Variants in H3C1 observed in about 807,000 individuals in gnomAD.
H3C1 encodes histone H3.1.
In H3C1, 14 loss-of-function variants were observed where a neutral mutation model predicts 7.3. That is an observed-to-expected ratio of 1.90 (90% CI 1.26 to 2.98). The LOEUF (loss-of-function observed/expected upper bound fraction) is 2.98. Among genes scored for constraint, H3C1 ranks in the 30% most tolerant of loss-of-function variants. The pLI, the probability that H3C1 is intolerant of heterozygous loss-of-function variation, is 0.00. For synonymous variants in H3C1, 181 were observed against 76.0 expected (o/e 2.38, Z -7.18); for missense variants, 326 against 192.2 (o/e 1.70, Z -4.12).
Position 26,020,692 on chromosome 6 carries a change from T to G in H3C1, c.203T>G (p.Phe68Cys). 1 of 1,614,228 alleles carries G rather than the reference T, an allele frequency of 6.2e-7. No individual in the cohort carries two copies. The highest frequency in any genetic ancestry group is 8.5e-7 in the Non-Finnish European group (1 of 1,180,040). Residue 68 changes from phenylalanine (F) to cysteine (C), a missense_variant, in exon 1 of 1, where the codon TTC becomes TGC. Phe to Cys is a radical substitution (Grantham distance 205). Coordinates refer to ENST00000613854, the MANE Select transcript of H3C1 (RefSeq NM_003529.3). Reference sequence around the variant, plus strand: ...GAACTGCTTATTCGTAAACTACCTTTCCAGCGCCTGGTGCGCGAGATTGCG... The same window carrying G: ...GAACTGCTTATTCGTAAACTACCTTGCCAGCGCCTGGTGCGCGAGATTGCG... ...STELLIRKLP[F>C]QRLVREIAQD...
In H3C1 at chr6:26,020,602, A is replaced by G; in HGVS notation, c.113A>G (p.Lys38Arg). 6.2e-7 allele frequency: 1 copy of G among 1,614,182 alleles called. No individual in the cohort carries two copies. ...KSAPATGGVKKPHRYRPGTVA... is the reference protein window; with the variant it reads ...KSAPATGGVKRPHRYRPGTVA... Reference sequence around the variant, plus strand: ...GCTCCGGCCACCGGCGGCGTGAAAAAGCCCCACCGCTACCGGCCGGGCACC... The same window carrying G: ...GCTCCGGCCACCGGCGGCGTGAAAAGGCCCCACCGCTACCGGCCGGGCACC... The change falls in exon 1 of 1, where the codon AAG becomes AGG. Residue 38 changes from lysine to arginine, a missense_variant. Physicochemically the swap from Lys to Arg is conservative, Grantham distance 26. Coordinates refer to ENST00000613854, the MANE Select transcript of H3C1 (RefSeq NM_003529.3).
In H3C1 at chr6:26,020,457, G is replaced by C. The variant is rs138978623; in HGVS notation, c.-33G>C. The C allele has an allele frequency of 4.2e-5, 67 of 1,611,476 alleles. No homozygotes were observed. The highest frequency in any genetic ancestry group is 6.7e-5 in the Admixed American group (4 of 59,336). On this transcript the variant is annotated 5_prime_UTR_variant, in exon 1 of 1. Transcript: ENST00000613854. ...GCAGCTCATGGGCGTATTTGCGCTA[G>C]TGTTGGGTGTTCCGCTGTGCTGTTT...
In H3C1 at chr6:26,020,902, TACTGTGGTCTCTCTGACGGTCCAAGC is replaced by T. The variant is rs1561914608; in HGVS notation, c.*4_*29del. On this transcript the variant is annotated 3_prime_UTR_variant, in exon 1 of 1. Coordinates refer to ENST00000613854, the MANE Select transcript of H3C1 (RefSeq NM_003529.3). ...CGCATCCGCGGAGAGAGGGCGTGAT[TACTGTGGTCTCTCTGACGGTCCAAGC>T]AAAGGCTCTTTTCAGAGCCACCACC... 2 of 1,614,178 alleles carry T rather than the reference TACTGTGGTCTCTCTGACGGTCCAAGC, an allele frequency of 1.2e-6. No individual in the cohort carries two copies. Among genetic ancestry groups the T allele is most frequent in the Non-Finnish European group, 8.5e-7 (1 of 1,180,032 alleles).
In H3C1 at chr6:26,020,694, C is replaced by G. The variant is rs181930473; in HGVS notation, c.205C>G (p.Gln69Glu). The change falls in exon 1 of 1, where the codon CAG becomes GAG. Residue 69 changes from glutamine to glutamate, a missense_variant. Transcript: ENST00000613854. ...TELLIRKLPF[Q>E]RLVREIAQDF... is the part of the protein sequence containing the mutation. Reference sequence around the variant, plus strand: ...ACTGCTTATTCGTAAACTACCTTTCCAGCGCCTGGTGCGCGAGATTGCGCA... The same window carrying G: ...ACTGCTTATTCGTAAACTACCTTTCGAGCGCCTGGTGCGCGAGATTGCGCA... The G allele has an allele frequency of 6.2e-7, 1 of 1,614,248 alleles. No individual in the cohort carries two copies. Among genetic ancestry groups the G allele is most frequent in the Non-Finnish European group, 8.5e-7 (1 of 1,180,048 alleles).
rs1561914287 is a variant in H3C1 at position 26,020,613 on chromosome 6, TACCGGCCGGGC to T, written c.129_139del (p.Pro44GlyfsTer13). The stretch of plus-strand genomic sequence containing the variant: ...CGGCGGCGTGAAAAAGCCCCACCGC[TACCGGCCGGGC>T]ACCGTGGCTCTGCGCGAGATCCGCC... On this transcript the variant is annotated frameshift_variant, in exon 1 of 1. Coordinates refer to ENST00000613854, the MANE Select transcript of H3C1 (RefSeq NM_003529.3). LOFTEE classifies it high-confidence loss of function. 8.7e-6 allele frequency: 14 copies of T among 1,614,206 alleles called. No individual in the cohort carries two copies. The highest frequency in any genetic ancestry group is 1.2e-5 in the Non-Finnish European group (14 of 1,180,032).
In H3C1 at chr6:26,020,853, C is replaced by T. The variant is rs1309910648; in HGVS notation, c.364C>T (p.Pro122Ser). The change falls in exon 1 of 1, where the codon CCC becomes TCC. Residue 122 changes from proline to serine, a missense_variant. Transcript: ENST00000613854. ...CCACGCCAAGCGCGTCACTATCATG[C>T]CCAAGGACATCCAGCTCGCCCGCCG... is the stretch of plus-strand genomic sequence containing the variant. ...AIHAKRVTIM[P>S]KDIQLARRIR... The T allele has an allele frequency of 3.1e-6, 5 of 1,614,094 alleles. No homozygotes were observed. The highest frequency in any genetic ancestry group is 4.2e-6 in the Non-Finnish European group (5 of 1,180,048).
rs1447600891 is a variant in H3C1 at position 26,020,804 on chromosome 6, T to G, written c.315T>G (p.Phe105Leu). ...GCGAGGCCTACTTGGTAGGGCTATTTGAGGACACTAACCTGTGCGCCATCC... is the reference window on the plus strand; with the variant it reads ...GCGAGGCCTACTTGGTAGGGCTATTGGAGGACACTAACCTGTGCGCCATCC... ...EACEAYLVGL[F>L]EDTNLCAIHA... Residue 105 changes from phenylalanine to leucine, a missense_variant, in exon 1 of 1, where the codon TTT becomes TTG. Coordinates refer to ENST00000613854, the MANE Select transcript of H3C1 (RefSeq NM_003529.3). The G allele has an allele frequency of 6.2e-7, 1 of 1,614,246 alleles. No individual in the cohort carries two copies. The highest frequency in any genetic ancestry group is 1.1e-5 in the South Asian group (1 of 91,090).
Position 26,020,631 on chromosome 6 carries a change from G to T in H3C1, c.142G>T (p.Ala48Ser), listed in dbSNP as rs752021053. The change falls in exon 1 of 1, where the codon GCT (alanine) becomes TCT (serine). Residue 48 changes from alanine to serine, a missense_variant. Physicochemically the swap from Ala to Ser is moderately conservative, Grantham distance 99. Coordinates refer to ENST00000613854, the MANE Select transcript of H3C1 (RefSeq NM_003529.3). ...KPHRYRPGTV[A>S]LREIRRYQKS... Reference sequence around the variant, plus strand: ...CCACCGCTACCGGCCGGGCACCGTGGCTCTGCGCGAGATCCGCCGTTATCA... The same window carrying T: ...CCACCGCTACCGGCCGGGCACCGTGTCTCTGCGCGAGATCCGCCGTTATCA... The T allele has an allele frequency of 6.2e-7, 1 of 1,614,222 alleles. No individual in the cohort carries two copies. Among genetic ancestry groups the T allele is most frequent in the Non-Finnish European group, 8.5e-7 (1 of 1,180,038 alleles).
chr6:26,020,519 G>A lies in H3C1; in HGVS notation c.30G>A (p.Lys10=), dbSNP rs370163039. 11 of 1,614,020 alleles carry A rather than the reference G, an allele frequency of 6.8e-6. No homozygotes were observed. Among genetic ancestry groups the A allele is most frequent in the Middle Eastern group, 1.6e-4 (1 of 6,084 alleles). MARTKQTAR[K]STGGKAPRKQ... ...CTCGCACTAAGCAAACTGCTCGGAA[G>A]TCTACTGGTGGCAAGGCGCCACGCA... The change falls in exon 1 of 1, where the codon AAG becomes AAA. Residue 10 remains lysine, a synonymous_variant. Transcript: ENST00000613854.
rs992857952 is a variant in H3C1 at position 26,020,687 on chromosome 6, A to G, written c.198A>G (p.Leu66=). The G allele has an allele frequency of 1.2e-6, 2 of 1,614,050 alleles. No individual in the cohort carries two copies. The highest frequency in any genetic ancestry group is 1.1e-5 in the South Asian group (1 of 91,096). ...QKSTELLIRK[L]PFQRLVREIA... is the part of the protein sequence containing the mutation. ...CCACTGAACTGCTTATTCGTAAACT[A>G]CCTTTCCAGCGCCTGGTGCGCGAGA... Residue 66 remains leucine (L), a synonymous_variant, in exon 1 of 1, where the codon CTA becomes CTG. Coordinates refer to ENST00000613854, the MANE Select transcript of H3C1 (RefSeq NM_003529.3).
rs1428351348 is a variant in H3C1, at chr6:26,020,493, G to T, written c.4G>T (p.Ala2Ser). 3.7e-6 allele frequency: 6 copies of T among 1,613,708 alleles called. No homozygotes were observed. Among genetic ancestry groups the T allele is most frequent in the Non-Finnish European group, 5.1e-6 (6 of 1,179,932 alleles). Residue 2 changes from alanine (A) to serine (S), a missense_variant, in exon 1 of 1, where the codon GCT becomes TCT. Physicochemically the swap from Ala to Ser is moderately conservative, Grantham distance 99. Transcript: ENST00000613854. ...TCCGCTGTGCTGTTTTTCCGTCATG[G>T]CTCGCACTAAGCAAACTGCTCGGAA... is the stretch of plus-strand genomic sequence containing the variant. M[A>S]RTKQTARKST...
At position 26,020,869 on chromosome 6, in the gene H3C1, TCGCC is replaced by T; in HGVS notation, c.385_388del (p.Arg129AlafsTer?). On this transcript the variant is annotated frameshift_variant, in exon 1 of 1. Transcript: ENST00000613854. LOFTEE classifies it high-confidence loss of function. Reference sequence around the variant, plus strand: ...ACTATCATGCCCAAGGACATCCAGCTCGCCCGCCGCATCCGCGGAGAGAGGGCGT... The same window carrying T: ...ACTATCATGCCCAAGGACATCCAGCTCGCCGCATCCGCGGAGAGAGGGCGT... The T allele has an allele frequency of 6.2e-7, 1 of 1,613,896 alleles. No individual in the cohort carries two copies. The highest frequency in any genetic ancestry group is 8.5e-7 in the Non-Finnish European group (1 of 1,179,814).
chr6:26,020,538 C>T lies in H3C1; in HGVS notation c.49C>T (p.Pro17Ser), dbSNP rs904673444. 5.0e-6 allele frequency: 8 copies of T among 1,614,046 alleles called. No homozygotes were observed. Among genetic ancestry groups the T allele is most frequent in the Non-Finnish European group, 6.8e-6 (8 of 1,180,038 alleles). The change falls in exon 1 of 1, where the codon CCA becomes TCA. Residue 17 changes from proline (P) to serine (S), a missense_variant. Coordinates refer to ENST00000613854, the MANE Select transcript of H3C1 (RefSeq NM_003529.3). The stretch of plus-strand genomic sequence containing the variant: ...TCGGAAGTCTACTGGTGGCAAGGCG[C>T]CACGCAAACAGTTGGCCACTAAGGC... ...TARKSTGGKAPRKQLATKAAR... is the reference protein window; with the variant it reads ...TARKSTGGKASRKQLATKAAR...
Position 26,020,903 on chromosome 6 carries a change from A to C in H3C1, c.*3A>C. ...GCATCCGCGGAGAGAGGGCGTGATT[A>C]CTGTGGTCTCTCTGACGGTCCAAGC... is the stretch of plus-strand genomic sequence containing the variant. On this transcript the variant is annotated 3_prime_UTR_variant, in exon 1 of 1. Transcript: ENST00000613854. 1 of 1,614,160 alleles carries C rather than the reference A, an allele frequency of 6.2e-7. No homozygotes were observed. Among genetic ancestry groups the C allele is most frequent in the South Asian group, 1.1e-5 (1 of 91,072 alleles).
Position 26,020,470 on chromosome 6 carries a change from C to A in H3C1, c.-20C>A, listed in dbSNP as rs201810893. The A allele has an allele frequency of 2.0e-5, 32 of 1,612,862 alleles. No homozygotes were observed. The highest frequency in any genetic ancestry group is 2.4e-5 in the Non-Finnish European group (28 of 1,179,546). The stretch of plus-strand genomic sequence containing the variant: ...GTATTTGCGCTAGTGTTGGGTGTTC[C>A]GCTGTGCTGTTTTTCCGTCATGGCT... On this transcript the variant is annotated 5_prime_UTR_variant, in exon 1 of 1. Transcript: ENST00000613854.
rs372738098 is a variant in H3C1, at chr6:26,020,569, G to C, written c.80G>C (p.Arg27Pro). ...PRKQLATKAARKSAPATGGVK... is the reference protein window; with the variant it reads ...PRKQLATKAAPKSAPATGGVK... The stretch of plus-strand genomic sequence containing the variant: ...AAACAGTTGGCCACTAAGGCAGCCC[G>C]CAAAAGCGCTCCGGCCACCGGCGGC... Residue 27 changes from arginine (R) to proline (P), a missense_variant, in exon 1 of 1, where the codon CGC becomes CCC. By Grantham distance (103) the Arg-to-Pro change is moderately radical (BLOSUM62 -2). Transcript: ENST00000613854. 1.2e-6 allele frequency: 2 copies of C among 1,614,042 alleles called. No individual in the cohort carries two copies. Among genetic ancestry groups the C allele is most frequent in the Non-Finnish European group, 1.7e-6 (2 of 1,180,030 alleles).
In H3C1 at chr6:26,020,627, C is replaced by T. The variant is rs752395404; in HGVS notation, c.138C>T (p.Thr46=). 25 of 1,614,090 alleles carry T rather than the reference C, an allele frequency of 1.5e-5. No homozygotes were observed. Among genetic ancestry groups the T allele is most frequent in the Admixed American group, 1.3e-4 (8 of 60,014 alleles). ...VKKPHRYRPG[T]VALREIRRYQ... is the part of the protein sequence containing the mutation. ...AGCCCCACCGCTACCGGCCGGGCAC[C>T]GTGGCTCTGCGCGAGATCCGCCGTT... The change falls in exon 1 of 1, where the codon ACC becomes ACT. Residue 46 remains threonine, a synonymous_variant. Coordinates refer to ENST00000613854, the MANE Select transcript of H3C1 (RefSeq NM_003529.3).
At position 26,020,861 on chromosome 6, in the gene H3C1, C is replaced by T. The variant is rs200327623; in HGVS notation, c.372C>T (p.Asp124=). Residue 124 remains aspartate, a synonymous_variant, in exon 1 of 1, where the codon GAC becomes GAT. Coordinates refer to ENST00000613854, the MANE Select transcript of H3C1 (RefSeq NM_003529.3). Reference sequence around the variant, plus strand: ...AGCGCGTCACTATCATGCCCAAGGACATCCAGCTCGCCCGCCGCATCCGCG... The same window carrying T: ...AGCGCGTCACTATCATGCCCAAGGATATCCAGCTCGCCCGCCGCATCCGCG... ...HAKRVTIMPK[D]IQLARRIRGE... is the part of the protein sequence containing the mutation. 70 of 1,614,242 alleles carry T rather than the reference C, an allele frequency of 4.3e-5. No homozygotes were observed. The African/African-American group carries it at 6.9e-4, about 16-fold the overall frequency.
In H3C1 at chr6:26,020,941, C is replaced by G. The variant is rs147234893; in HGVS notation, c.*41C>G. ...TGACGGTCCAAGCAAAGGCTCTTTT[C>G]AGAGCCACCACCTTTTCAAGTAAAG... On this transcript the variant is annotated 3_prime_UTR_variant, in exon 1 of 1. Transcript: ENST00000613854. 3.8e-4 allele frequency: 610 copies of G among 1,595,210 alleles called. 3 individuals are homozygous for G. The African/African-American group carries it at 7.6e-3, about 20-fold the overall frequency.
Sources: gnomAD v4.1 joint callset for allele counts on GRCh38, gnomAD v4.1.1 for gene constraint, MANE v1.5 for transcripts, NCBI Gene and HGNC (gene_info 2026-07-23, HGNC 2026-07-21) for gene names.